NLGN1: variants seen among roughly 807,000 people sequenced by gnomAD.
NLGN1 encodes neuroligin 1.
Under a neutral mutation model 65.5 loss-of-function variants are expected in NLGN1, and 12 were observed. That is an observed-to-expected ratio of 0.18 (90% CI 0.12 to 0.30). The LOEUF is 0.30. Ranked by LOEUF, NLGN1 falls within the 10% of genes least tolerant of loss-of-function variation. NLGN1 has a pLI of 1.00. For missense variants in NLGN1, 750 were observed against 1,007.1 expected, an observed-to-expected ratio of 0.74 and a Z score of 3.46; for synonymous variants, 350 against 359.5, an observed-to-expected ratio of 0.97 and a Z score of 0.30.
At chr3:174,081,834 G>A (rs1742302424) in intron 4 of NLGN1, among the ~76,000 whole-genome samples, 1 of 152,050 alleles carries the variant, frequency 6.6e-6, no homozygotes, top group South Asian at 2.1e-4. Flanking sequence ...GCCTCCCAAA[G>A]TGCTGGGATT....
chr3:173,732,086 C>G (rs1395120674), intron 3 of NLGN1, among the ~76,000 whole-genome samples: 1 of 152,008 alleles, frequency 6.6e-6, no homozygotes, highest in Non-Finnish European at 1.5e-5. Context: ...AAAATATTAT[C>G]TCTCATTTAA....
intron 2 of NLGN1, among the ~76,000 whole-genome samples, chr3:173,569,992 G>T (rs1385710058): frequency 6.6e-6 from 1 of 152,154 alleles, no homozygotes; most frequent in Non-Finnish European, 1.5e-5. Flanking sequence ...TAGGAATGTA[G>T]ATAAAACTCT....
intron 4 of NLGN1, among the ~76,000 whole-genome samples, chr3:173,918,706 A>G (rs113950289): frequency 2.0e-3 from 276 of 139,620 alleles, no homozygotes; most frequent in East Asian, 4.7e-3. Flanking sequence ...GTGTGTGTAT[A>G]TATATATATT....
chr3:174,029,064 G>A (rs186408963), intron 4 of NLGN1, among the ~76,000 whole-genome samples: 349 of 152,304 alleles, frequency 2.3e-3, no homozygotes, highest in Non-Finnish European at 4.1e-3. Flanking sequence ...AAAGGAAAAT[G>A]TGTGGGGTTA....
chr3:173,847,772 T>A (rs1285071777), intron 4 of NLGN1, among the ~76,000 whole-genome samples: 1 of 152,026 alleles, frequency 6.6e-6, no homozygotes, highest in East Asian at 1.9e-4. Context: ...CTCAGGAAGC[T>A]GAGTGGGGAG....
intron 3 of NLGN1, among the ~76,000 whole-genome samples, chr3:173,654,221 A>T (rs1253725814): frequency 6.6e-6 from 1 of 152,174 alleles, no homozygotes; most frequent in Non-Finnish European, 1.5e-5. Flanking sequence ...CTAAGTTGTC[A>T]TCAAATACTC....
intron 3 of NLGN1, among the ~76,000 whole-genome samples, chr3:173,776,875 G>A (rs1453637893): frequency 6.6e-6 from 1 of 151,848 alleles, no homozygotes; most frequent in African/African-American, 2.4e-5. Context: ...TCTTTCATAG[G>A]AAAAAGTCAA....
chr3:173,463,754 G>A lies in NLGN1; in HGVS notation c.-321+28676G>A, dbSNP rs147894509. 2.5e-3 allele frequency among the ~76,000 whole-genome samples: 377 copies of A among 152,196 alleles called. 2 individuals are homozygous for A. Among genetic ancestry groups the A allele is most frequent in the African/African-American group, 8.7e-3 (360 of 41,556 alleles). The stretch of plus-strand genomic sequence containing the variant: ...CTGTATCATGATAGATTGAATGAAG[G>A]AGCAGATATGGCAATCCAGCTGTCT... On this transcript the variant is annotated intron_variant, in intron 2 of 6. Transcript: ENST00000457714.
intron 4 of NLGN1, among the ~76,000 whole-genome samples, chr3:174,144,319 T>C (rs1722814026): frequency 6.6e-6 from 1 of 152,208 alleles, no homozygotes; most frequent in Non-Finnish European, 1.5e-5. Flanking sequence ...CTATCATTGA[T>C]GGGCATTTGG....
chr3:173,976,205 A>T (rs1383000979), intron 4 of NLGN1, among the ~76,000 whole-genome samples: 1 of 152,004 alleles, frequency 6.6e-6, no homozygotes, highest in Non-Finnish European at 1.5e-5. Flanking sequence ...ACACCACAAA[A>T]TTTTGCATAT....
intron 3 of NLGN1, among the ~76,000 whole-genome samples, chr3:173,773,521 ATT>A (rs1779878635): frequency 6.6e-6 from 1 of 152,104 alleles, no homozygotes; most frequent in South Asian, 2.1e-4. Context: ...GCCATTATTG[ATT>A]TTAACTTACC....
intron 4 of NLGN1, among the ~76,000 whole-genome samples, chr3:173,917,994 T>A (rs1034534450): frequency 7.2e-5 from 11 of 152,124 alleles, no homozygotes; most frequent in African/African-American, 2.4e-4. Flanking sequence ...TTCAGTCCCT[T>A]TTCTGTAAAA....
Position 174,280,887 on chromosome 3 carries a change from C to T in NLGN1, c.2056C>T (p.Leu686=). The change falls in exon 7 of 7, where the codon CTG becomes TTG. Residue 686 remains leucine, a synonymous_variant. Transcript: ENST00000457714. This position sits in a 1 kb window ranked among gnomAD's most constrained non-coding sequence, Gnocchi z 4.9. ...TGTCACTATTGCAGTTGGAGCATCA[C>T]TGCTGTTTCTGAACATCTTGGCCTT... 6.2e-7 allele frequency: 1 copy of T among 1,613,398 alleles called. No individual in the cohort carries two copies. Among genetic ancestry groups the T allele is most frequent in the Non-Finnish European group, 8.5e-7 (1 of 1,179,624 alleles).
intron 3 of NLGN1, among the ~76,000 whole-genome samples, chr3:173,640,706 T>C (rs142145228): frequency 1.3e-5 from 2 of 152,208 alleles, no homozygotes; most frequent in Non-Finnish European, 1.5e-5. Context: ...CCATTTACTA[T>C]GTCTTAAATT....
At chr3:173,974,819 T>C (rs1359793246) in intron 4 of NLGN1, among the ~76,000 whole-genome samples, 1 of 152,080 alleles carries the variant, frequency 6.6e-6, no homozygotes, top group Non-Finnish European at 1.5e-5. Flanking sequence ...TGAAAGCATA[T>C]ATTTGATTTT....
chr3:173,849,713 C>T (rs1337196696), intron 4 of NLGN1, among the ~76,000 whole-genome samples: 1 of 152,046 alleles, frequency 6.6e-6, no homozygotes, highest in Non-Finnish European at 1.5e-5. Context: ...GCTTTAGCCT[C>T]TCGTATAAAT....
At position 173,483,458 on chromosome 3, in the gene NLGN1, T is replaced by C. The variant is rs141290333; in HGVS notation, c.-321+48380T>C. Among the ~76,000 whole-genome samples the C allele has an allele frequency of 3.2e-3, 493 of 152,170 alleles. 3 individuals carry two copies. Among genetic ancestry groups the C allele is most frequent in the African/African-American group, 0.012 (479 of 41,576 alleles). ...ATCCACAAATTAATATAATTAATGT[T>C]ATTCTACTAGTCCCACAATTTTAAA... is the stretch of plus-strand genomic sequence containing the variant. On this transcript the variant is annotated intron_variant, in intron 2 of 6. Coordinates refer to ENST00000457714, the Ensembl canonical transcript of NLGN1.
intron 3 of NLGN1, among the ~76,000 whole-genome samples, chr3:173,623,010 C>T (rs748279887): frequency 2.0e-5 from 3 of 152,066 alleles, no homozygotes; most frequent in Non-Finnish European, 4.4e-5. Context: ...ATTCTATACC[C>T]TCAAGGGAGT....
At chr3:173,794,974 T>G (rs376941798) in intron 3 of NLGN1, among the ~76,000 whole-genome samples, 12 of 152,264 alleles carry the variant, frequency 7.9e-5, no homozygotes, top group South Asian at 2.1e-4. Flanking sequence ...TCTCCTTTTT[T>G]TGTGTGTGTG....
Sources: allele counts gnomAD v4.1 joint callset (sites outside exome capture counted in the v4.1 genomes callset), GRCh38; gene constraint gnomAD v4.1.1; non-coding constraint Gnocchi (gnomAD v3.1); transcripts MANE v1.5; gene names NCBI Gene and HGNC (gene_info 2026-07-23, HGNC 2026-07-21).